POT1: variants seen among roughly 807,000 people sequenced by gnomAD.
POT1 encodes the protein protection of telomeres protein 1.
Under a neutral mutation model 78.5 loss-of-function variants are expected in POT1, and 47 were observed. The observed-to-expected ratio is 0.60, with a 90% CI of 0.47 to 0.76. POT1 has a LOEUF of 0.76. Among genes scored for constraint, POT1 ranks in the 30% least tolerant of loss-of-function variants. The pLI, the probability that POT1 is intolerant of heterozygous loss-of-function variation, is 0.00. For missense variants in POT1, 646 were observed against 749.9 expected (o/e 0.86, Z 1.62); for synonymous variants, 259 against 260.7 (o/e 0.99, Z 0.06).
chr7:124,845,716 CT>C (rs919274317), intron 12 of POT1, among the ~76,000 whole-genome samples: 10 of 148,752 alleles, frequency 6.7e-5, no homozygotes, highest in African/African-American at 1.5e-4. Flanking sequence ...AAAATGGTAG[CT>C]TTTTTTTTTC....
chr7:124,844,554 G>A (rs915351089), intron 12 of POT1, among the ~76,000 whole-genome samples: 3 of 150,452 alleles, frequency 2.0e-5, no homozygotes, highest in African/African-American at 7.3e-5. Context: ...GGCTAACACG[G>A]TGAAACCCCG....
intron 6 of POT1, among the ~76,000 whole-genome samples, chr7:124,888,788 A>G (rs1008996706): frequency 3.9e-5 from 6 of 151,924 alleles, no homozygotes; most frequent in African/African-American, 1.4e-4. Context: ...GATCTTTGGC[A>G]TTACTATTAT....
intron 6 of POT1, among the ~76,000 whole-genome samples, chr7:124,872,153 A>C (rs1425799016): frequency 6.6e-6 from 1 of 152,146 alleles, no homozygotes; most frequent in Non-Finnish European, 1.5e-5. Flanking sequence ...GTTGTTGTAA[A>C]TGACAGAATT....
chr7:124,888,076 C>T (rs1796287485), intron 6 of POT1, among the ~76,000 whole-genome samples: 1 of 152,062 alleles, frequency 6.6e-6, no homozygotes, highest in African/African-American at 2.4e-5. Flanking sequence ...AACCTTTCCC[C>T]TGTTTTATTC....
chr7:124,877,886 T>C (rs1796029400), intron 6 of POT1, among the ~76,000 whole-genome samples: 1 of 134,654 alleles, frequency 7.4e-6, no homozygotes, highest in Admixed American at 7.6e-5. Context: ...TCACTTAGCA[T>C]AATGTTCTCC....
At chr7:124,924,118 A>C (rs1206300375) in intron 2 of POT1, among the ~76,000 whole-genome samples, 12 of 151,220 alleles carry the variant, frequency 7.9e-5, no homozygotes, top group African/African-American at 2.9e-4. Flanking sequence ...AAGCAAAGAA[A>C]TAACAAAGAT....
intron 12 of POT1, among the ~76,000 whole-genome samples, chr7:124,844,425 A>C (rs1584759521): frequency 7.0e-6 from 1 of 143,678 alleles, no homozygotes; most frequent in South Asian, 2.5e-4. Context: ...CACTGCACCC[A>C]GCTGGTGATG....
chr7:124,895,496 G>A (rs781421880), intron 5 of POT1, among the ~76,000 whole-genome samples: 7 of 151,634 alleles, frequency 4.6e-5, no homozygotes, highest in Non-Finnish European at 1.0e-4. Context: ...AAAGCCTGAA[G>A]AGAGAAAGAC....
intron 3 of POT1, among the ~76,000 whole-genome samples, chr7:124,905,890 C>T (rs2116670952): frequency 6.6e-6 from 1 of 152,312 alleles, no homozygotes; most frequent in East Asian, 1.9e-4. Context: ...TGAAGAAATG[C>T]TCATTATCAC....
Position 124,870,395 on chromosome 7 carries a change from G to A in POT1, c.255+516C>T, listed in dbSNP as rs559293848. On this transcript the variant is annotated intron_variant, in intron 7 of 18. Coordinates refer to ENST00000357628, the MANE Select transcript of POT1 (RefSeq NM_015450.3). ...CTTACATTTAGTTATTTAACTACAG[G>A]CATAATTTTTAAAGTTCCTGTTCAT... Among the ~76,000 whole-genome samples, 36 of 151,850 alleles carry A rather than the reference G, an allele frequency of 2.4e-4. No homozygotes were observed. In the South Asian group the frequency reaches 2.7e-3, roughly 11 times the overall value.
intron 8 of POT1, among the ~76,000 whole-genome samples, chr7:124,860,837 T>C (rs1357515347): frequency 1.3e-5 from 2 of 152,098 alleles, no homozygotes; most frequent in African/African-American, 4.8e-5. Context: ...AACTCCCACT[T>C]ATGAGTGAGA....
At chr7:124,836,415 T>C (rs1794902483) in intron 14 of POT1, among the ~76,000 whole-genome samples, 1 of 152,164 alleles carries the variant, frequency 6.6e-6, no homozygotes, top group Non-Finnish European at 1.5e-5. Context: ...TTATGCATGC[T>C]TAAAAACTCA....
intron 6 of POT1, among the ~76,000 whole-genome samples, chr7:124,873,367 C>G (rs1382558114): frequency 6.6e-6 from 1 of 152,114 alleles, no homozygotes; most frequent in Non-Finnish European, 1.5e-5. Context: ...TTAAAATGAT[C>G]ATATAATTTT....
Position 124,822,627 on chromosome 7 carries a change from TG to T in POT1, c.*1334del. 2.4e-6 allele frequency: 1 copy of T among 416,300 alleles called. No homozygotes were observed. The highest frequency in any genetic ancestry group is 7.2e-5 in the East Asian group (1 of 13,884). The allele number at this position is 416,300 out of a possible 1,614,324, so 25.8% of individuals were successfully genotyped here. Reference sequence around the variant, plus strand: ...CAACACGGAAACACACCTGTTCAACTGTAGGGTTTTAAAATATTTTTCCTGA... The same window carrying T: ...CAACACGGAAACACACCTGTTCAACTTAGGGTTTTAAAATATTTTTCCTGA... On this transcript the variant is annotated 3_prime_UTR_variant, in exon 19 of 19. Transcript: ENST00000357628.
rs377593030 is a variant in POT1, at chr7:124,879,739, T to C, written c.125-8698A>G. 2.7e-4 allele frequency among the ~76,000 whole-genome samples: 41 copies of C among 152,270 alleles called. 1 individual carries two copies. Among genetic ancestry groups the C allele is most frequent in the African/African-American group, 9.1e-4 (38 of 41,568 alleles). On this transcript the variant is annotated intron_variant, in intron 6 of 18. Coordinates refer to ENST00000357628, the MANE Select transcript of POT1 (RefSeq NM_015450.3). ...TTTCTGAGAGGGAAAATTCATTCTTTAGCAATATAAGATTTTGGTGATAAA... is the reference window on the plus strand; with the variant it reads ...TTTCTGAGAGGGAAAATTCATTCTTCAGCAATATAAGATTTTGGTGATAAA...
intron 15 of POT1, among the ~76,000 whole-genome samples, chr7:124,830,821 C>A (rs1794741913): frequency 6.6e-6 from 1 of 151,690 alleles, no homozygotes; most frequent in Non-Finnish European, 1.5e-5. Context: ...TTAAAAAAAC[C>A]TATAAAACAC....
chr7:124,842,774 G>A, intron 13 of POT1, 33 bp downstream of exon 13: 4 of 1,547,586 alleles, frequency 2.6e-6, no homozygotes, highest in Non-Finnish European at 3.5e-6. Flanking sequence ...CAAATAATAT[G>A]AAAACGTTTG....
intron 6 of POT1, among the ~76,000 whole-genome samples, chr7:124,884,974 T>C (rs1796209190): frequency 1.4e-5 from 2 of 147,364 alleles, no homozygotes; most frequent in Non-Finnish European, 3.0e-5. Flanking sequence ...TAGGAAAATA[T>C]GATGAATGGT....
At chr7:124,827,636 T>C (rs1562973774) in intron 16 of POT1, among the ~76,000 whole-genome samples, 1 of 152,188 alleles carries the variant, frequency 6.6e-6, no homozygotes, top group East Asian at 1.9e-4. Flanking sequence ...AACCTATAAT[T>C]AAGCTCATTT....
Sources: gnomAD v4.1 joint callset for allele counts (sites outside exome capture counted in the v4.1 genomes callset) on GRCh38, gnomAD v4.1.1 for gene constraint, MANE v1.5 for transcripts, NCBI Gene and HGNC (gene_info 2026-07-23, HGNC 2026-07-21) for gene names.